Variants in CCNK observed in about 807,000 individuals in gnomAD.
CCNK encodes cyclin K, also known as cyclin-K.
A neutral mutation model predicts 65.0 loss-of-function variants in CCNK; 9 were observed. That is an observed-to-expected ratio of 0.14 (90% confidence interval 0.08 to 0.24). The LOEUF is 0.24. Among genes scored for constraint, CCNK ranks in the 10% least tolerant of loss-of-function variants. The probability of loss-of-function intolerance (pLI) is 1.00; values close to 1 mark genes in which losing one functional copy is unlikely to be tolerated. For synonymous variants in CCNK, 279 were observed against 270.8 expected (o/e 1.03, Z -0.30); for missense variants, 474 against 720.0 (o/e 0.66, Z 3.91).
chr14:99,483,629 A>G (rs1896411255), intron 1 of CCNK, among the ~76,000 whole-genome samples: 1 of 152,244 alleles, frequency 6.6e-6, no homozygotes, highest in South Asian at 2.1e-4. Flanking sequence ...ATTGTTGGAC[A>G]TAAGTTCATT....
At chr14:99,494,727 A>G (rs1354457304) in intron 3 of CCNK, 1 of 152,282 alleles carries the variant, frequency 6.6e-6, no homozygotes, top group African/African-American at 2.4e-5. Context: ...TCAGGCTGCT[A>G]TAACAATATG....
chr14:99,491,607 A>C (rs955299160), intron 1 of CCNK, among the ~76,000 whole-genome samples: 1 of 152,166 alleles, frequency 6.6e-6, no homozygotes, highest in Non-Finnish European at 1.5e-5. Context: ...TTCCTCTTGG[A>C]GGGAAGATCA....
intron 3 of CCNK, chr14:99,494,120 G>A (rs1896650340): frequency 6.5e-6 from 1 of 152,836 alleles, no homozygotes; most frequent in Admixed American, 6.5e-5. Flanking sequence ...CTTGGAGAGA[G>A]CAGGGAAAGT....
chr14:99,503,945 G>A (rs1896906817), intron 9 of CCNK: 1 of 399,360 alleles, frequency 2.5e-6, no homozygotes, highest in Non-Finnish European at 4.6e-6. Context: ...TATTTTTAGA[G>A]ACTATTTACC....
intron 8 of CCNK, chr14:99,503,210 T>C (rs532928894): frequency 4.4e-6 from 3 of 687,848 alleles, no homozygotes; most frequent in African/African-American, 1.8e-5. Flanking sequence ...GCTCCAGCCC[T>C]GCTGCCTGTT....
chr14:99,500,584 T>C (rs944918158), intron 4 of CCNK, 182 bp from the exon 5 acceptor site: 1 of 566,522 alleles, frequency 1.8e-6, no homozygotes, highest in African/African-American at 2.0e-5. Context: ...GTTTGAGATC[T>C]TTTCAGAATT....
intron 9 of CCNK, chr14:99,504,845 T>G (rs1896934776): frequency 6.6e-6 from 1 of 152,158 alleles, no homozygotes. Flanking sequence ...TGCAATTGAG[T>G]TGACGTGCAG....
chr14:99,504,090 A>G, intron 9 of CCNK: 1 of 388,108 alleles, frequency 2.6e-6, no homozygotes, highest in Non-Finnish European at 5.1e-6. Context: ...GGCCTCTTTG[A>G]AACACACTTG....
chr14:99,503,274 T>C (rs1372501883), intron 8 of CCNK: 1 of 626,498 alleles, frequency 1.6e-6, no homozygotes, highest in Non-Finnish European at 2.9e-6. Flanking sequence ...GTCCTAGCAG[T>C]GTCGTTGTGC....
chr14:99,491,146 T>G (rs750149612), intron 1 of CCNK, among the ~76,000 whole-genome samples: 1 of 152,222 alleles, frequency 6.6e-6, no homozygotes, highest in Non-Finnish European at 1.5e-5. Context: ...GTTTGGGTTG[T>G]TCATAGTTTT....
intron 1 of CCNK, among the ~76,000 whole-genome samples, chr14:99,484,693 A>C (rs1896439934): frequency 6.6e-6 from 1 of 152,210 alleles, no homozygotes; most frequent in Non-Finnish European, 1.5e-5. Flanking sequence ...GAATTATGTG[A>C]ACACCAGTTA....
rs559873312 is a variant in CCNK, at chr14:99,510,799, C to G, written c.*17C>G. 29 of 1,414,160 alleles carry G rather than the reference C, an allele frequency of 2.1e-5. No individual in the cohort carries two copies. The South Asian group carries it at 3.1e-4, about 15-fold the overall frequency. The allele number at this position is 1,414,160 out of a possible 1,614,324, so 87.6% of individuals were successfully genotyped here. On this transcript the variant is annotated 3_prime_UTR_variant, in exon 11 of 11. Coordinates refer to ENST00000389879, the MANE Select transcript of CCNK (RefSeq NM_001099402.2). ...ATGAGATAACGTGAGCCTTTTTTCCCTCTTTGTTTTTTTAACAAGATTTTC... is the reference window on the plus strand; with the variant it reads ...ATGAGATAACGTGAGCCTTTTTTCCGTCTTTGTTTTTTTAACAAGATTTTC...
chr14:99,493,138 C>T (rs1896629548), intron 2 of CCNK: 6 of 469,618 alleles, frequency 1.3e-5, no homozygotes, highest in Admixed American at 4.0e-5. Context: ...CACAGTGGCT[C>T]ATGCCTGTAA....
intron 1 of CCNK, among the ~76,000 whole-genome samples, chr14:99,490,259 A>G (rs1896570845): frequency 6.6e-6 from 1 of 152,240 alleles, no homozygotes; most frequent in African/African-American, 2.4e-5. Context: ...ATTTACAGTG[A>G]GAAACCTGGT....
intron 9 of CCNK, 157 bp from the exon 10 acceptor site, chr14:99,506,919 A>G: frequency 1.6e-6 from 1 of 641,108 alleles, no homozygotes; most frequent in Non-Finnish European, 2.8e-6. Flanking sequence ...ATTCATGCAT[A>G]ATGGTTTAGC....
chr14:99,506,148 T>C (rs1896970038), intron 9 of CCNK: 1 of 152,298 alleles, frequency 6.6e-6, no homozygotes, highest in Non-Finnish European at 1.5e-5. Context: ...CTTTGGACTC[T>C]GAGGAAGAGG....
At chr14:99,496,675 C>T (rs1297619566) in intron 4 of CCNK, among the ~76,000 whole-genome samples, 1 of 151,666 alleles carries the variant, frequency 6.6e-6, no homozygotes, top group African/African-American at 2.4e-5. Flanking sequence ...GCACCACTAC[C>T]CTCCAGCCTG....
rs1335278089 is a variant in CCNK, at chr14:99,500,888, CAGA to C, written c.517+22_517+24del. On this transcript the variant is annotated intron_variant, in intron 5 of 10. Transcript: ENST00000389879. ...AACTCAAAGGTAAGAAGAAAGTTTT[CAGA>C]AGAATTTTTTCATTCTGAAATCAAG... 7.1e-7 allele frequency: 1 copy of C among 1,409,260 alleles called. No individual in the cohort carries two copies. Among genetic ancestry groups the C allele is most frequent in the Non-Finnish European group, 9.7e-7 (1 of 1,031,260 alleles). The allele number at this position is 1,409,260 out of a possible 1,614,324, so 87.3% of individuals were successfully genotyped here.
In CCNK at chr14:99,507,082, C is replaced by G. The variant is rs775111606; in HGVS notation, c.1052C>G (p.Pro351Arg). 132 of 1,604,388 alleles carry G rather than the reference C, an allele frequency of 8.2e-5. No individual in the cohort carries two copies. Among genetic ancestry groups the G allele is most frequent in the Non-Finnish European group, 1.0e-4 (118 of 1,171,390 alleles). ...PKEENKAAEP[P>R]PPKIPKIETT... ...ATCTGCTTTTTCTTTGTAGAACCAC[C>G]ACCACCTAAAATCCCCAAAATTGAG... The change falls in exon 10 of 11, where the codon CCA (proline) becomes CGA (arginine). Residue 351 changes from proline to arginine, a missense_variant. Physicochemically the swap from Pro to Arg is moderately radical, Grantham distance 103. Coordinates refer to ENST00000389879, the MANE Select transcript of CCNK (RefSeq NM_001099402.2).
Sources: gnomAD v4.1 joint callset for allele counts (sites outside exome capture counted in the v4.1 genomes callset) on GRCh38, gnomAD v4.1.1 for gene constraint, MANE v1.5 for transcripts, NCBI Gene and HGNC (gene_info 2026-07-23, HGNC 2026-07-21) for gene names.